The following ROR1 variants were observed in gnomAD, a reference collection of about 807,000 sequenced individuals.
The protein encoded by ROR1 is ROR family WNT receptor 1, also known as inactive tyrosine-protein kinase transmembrane receptor ROR1.
ROR1 carries 19 observed loss-of-function variants against 78.8 expected under a neutral mutation model. That is an observed-to-expected ratio of 0.24 (90% CI 0.17 to 0.35). ROR1 has a LOEUF of 0.35. Ranked by LOEUF, ROR1 falls within the 10% of genes least tolerant of loss-of-function variation. The pLI is 1.00. For missense variants in ROR1, 917 were observed against 1,177.8 expected, an observed-to-expected ratio of 0.78 and a Z score of 3.24; for synonymous variants, 386 against 433.6, an observed-to-expected ratio of 0.89 and a Z score of 1.36.
intron 1 of ROR1, among the ~76,000 whole-genome samples, chr1:63,852,410 C>T (rs971399183): frequency 6.6e-6 from 1 of 152,222 alleles, no homozygotes; most frequent in Admixed American, 6.5e-5. Flanking sequence ...CTCCCTCTTT[C>T]GCACAACAGC....
chr1:64,106,869 A>G (rs550977041), intron 4 of ROR1: 1 of 152,114 alleles, frequency 6.6e-6, no homozygotes, highest in African/African-American at 2.4e-5. Flanking sequence ...ACACGGGTAC[A>G]GTCTTTTGTT....
chr1:63,936,946 G>A (rs1645798765), intron 1 of ROR1, among the ~76,000 whole-genome samples: 1 of 152,174 alleles, frequency 6.6e-6, no homozygotes, highest in African/African-American at 2.4e-5. Context: ...GAGGCAATCA[G>A]CCAGTAGACA....
At chr1:63,815,115 A>G (rs370769240) in intron 1 of ROR1, among the ~76,000 whole-genome samples, 3 of 152,148 alleles carry the variant, frequency 2.0e-5, no homozygotes, top group South Asian at 2.1e-4. Context: ...CAAATGCACT[A>G]TGATTTGTGG....
chr1:63,843,227 G>GC, intron 1 of ROR1: 8 of 1,504,758 alleles, frequency 5.3e-6, no homozygotes, highest in African/African-American at 2.8e-5. Flanking sequence ...TGACCGCACT[G>GC]CCCCCCAGCT....
chr1:63,996,711 C>T (rs559792489), intron 1 of ROR1, among the ~76,000 whole-genome samples: 1 of 152,150 alleles, frequency 6.6e-6, no homozygotes, highest in South Asian at 2.1e-4. Flanking sequence ...CCCCCTTTCA[C>T]GCCTCACAGT....
rs568987946 is a variant in ROR1, at chr1:64,035,043, A to G, written c.164-14648A>G. On this transcript the variant is annotated intron_variant, in intron 2 of 8. Transcript: ENST00000371079. ...GTAGCTCTTCAGGAATTGGTGTGGGAGTTCAGTGGCAATATTTTCATATGT... is the reference window on the plus strand; with the variant it reads ...GTAGCTCTTCAGGAATTGGTGTGGGGGTTCAGTGGCAATATTTTCATATGT... 1.8e-4 allele frequency among the ~76,000 whole-genome samples: 27 copies of G among 152,272 alleles called. No homozygotes were observed. The East Asian group carries it at 5.0e-3, about 28-fold the overall frequency.
chr1:63,804,966 T>C (rs1298723752), intron 1 of ROR1, among the ~76,000 whole-genome samples: 4 of 152,222 alleles, frequency 2.6e-5, no homozygotes. Flanking sequence ...TTCATATTAA[T>C]GTGTCACTGG....
chr1:64,115,796 G>A (rs115776648), intron 4 of ROR1, among the ~76,000 whole-genome samples: 6,145 of 152,092 alleles, frequency 0.04, 159 homozygotes, highest in Middle Eastern at 0.092. Context: ...TGTGAACTTG[G>A]GGAAATTGCT....
At chr1:63,884,037 A>G (rs142271935) in intron 1 of ROR1, among the ~76,000 whole-genome samples, 16 of 152,316 alleles carry the variant, frequency 1.1e-4, no homozygotes, top group Admixed American at 2.6e-4. Flanking sequence ...AAAGCAGTGA[A>G]AGGAACATCA....
At chr1:64,102,702 G>A (rs1292697411) in intron 4 of ROR1, among the ~76,000 whole-genome samples, 5 of 152,120 alleles carry the variant, frequency 3.3e-5, no homozygotes, top group African/African-American at 9.7e-5. Flanking sequence ...GATCGCCTTC[G>A]CTTTTTTAAA....
intron 2 of ROR1, among the ~76,000 whole-genome samples, chr1:64,044,567 C>T (rs145978203): frequency 1.6e-4 from 25 of 152,170 alleles, no homozygotes; most frequent in African/African-American, 5.3e-4. Context: ...CCCTTGAATA[C>T]ATAGATTTTT....
At chr1:63,847,392 G>A (rs1471063888) in intron 1 of ROR1, among the ~76,000 whole-genome samples, 3 of 152,038 alleles carry the variant, frequency 2.0e-5, no homozygotes, top group African/African-American at 7.2e-5. Flanking sequence ...CTATGGATTG[G>A]GTAAGGAGAA....
At chr1:63,781,204 C>T (rs1255612233) in intron 1 of ROR1, among the ~76,000 whole-genome samples, 1 of 152,108 alleles carries the variant, frequency 6.6e-6, no homozygotes, top group East Asian at 1.9e-4. Context: ...GTATTCGTGT[C>T]CAGGAATAAA....
At chr1:63,844,072 C>T (rs1645065726) in intron 1 of ROR1, among the ~76,000 whole-genome samples, 1 of 152,206 alleles carries the variant, frequency 6.6e-6, no homozygotes, top group Admixed American at 6.5e-5. Flanking sequence ...ATCTCCCTTA[C>T]TCTCCCAGTG....
chr1:63,846,631 T>C (rs1645083448), intron 1 of ROR1, among the ~76,000 whole-genome samples: 1 of 152,184 alleles, frequency 6.6e-6, no homozygotes, highest in Non-Finnish European at 1.5e-5. Context: ...GTGATCTGGC[T>C]TCATCAACGG....
At chr1:63,900,159 G>C (rs1363143972) in intron 1 of ROR1, among the ~76,000 whole-genome samples, 1 of 152,120 alleles carries the variant, frequency 6.6e-6, no homozygotes, top group African/African-American at 2.4e-5. Context: ...TAACATTATA[G>C]AAAGGAAAAG....
At chr1:63,837,091 T>A (rs1213124593) in intron 1 of ROR1, among the ~76,000 whole-genome samples, 1 of 152,196 alleles carries the variant, frequency 6.6e-6, no homozygotes. Context: ...GTCTGTACTT[T>A]CCACTGAACT....
chr1:63,816,670 G>C (rs1008598827), intron 1 of ROR1, among the ~76,000 whole-genome samples: 1 of 152,180 alleles, frequency 6.6e-6, no homozygotes, highest in African/African-American at 2.4e-5. Context: ...TGCAGTATAT[G>C]GGCTAATGGT....
chr1:63,865,180 TG>T (rs1645207548), intron 1 of ROR1, among the ~76,000 whole-genome samples: 1 of 152,256 alleles, frequency 6.6e-6, no homozygotes, highest in African/African-American at 2.4e-5. Context: ...TTGGTAGTTT[TG>T]TTATTTGTAT....
Sources: gnomAD v4.1 joint callset for allele counts (sites outside exome capture counted in the v4.1 genomes callset) on GRCh38, gnomAD v4.1.1 for gene constraint, MANE v1.5 for transcripts, NCBI Gene and HGNC (gene_info 2026-07-23, HGNC 2026-07-21) for gene names.